The following MEGF9 variants were observed in gnomAD, a reference collection of about 807,000 sequenced individuals.
MEGF9 encodes multiple epidermal growth factor-like domains protein 9.
Under a neutral mutation model 46.8 loss-of-function variants are expected in MEGF9, and 6 were observed. The ratio of observed to expected loss-of-function variants is 0.13; its 90% CI spans 0.07 to 0.25. MEGF9 has a LOEUF of 0.25. MEGF9 is among the 10% of genes least tolerant of loss of function. The probability of loss-of-function intolerance (pLI) is 1.00; values close to 1 mark genes in which losing one functional copy is unlikely to be tolerated. For synonymous variants in MEGF9, 302 were observed against 330.7 expected (o/e 0.91, Z 0.94); for missense variants, 683 against 792.4 (o/e 0.86, Z 1.66).
At chr9:120,612,162 C>T (rs981025745) in intron 4 of MEGF9, among the ~76,000 whole-genome samples, 2 of 152,112 alleles carry the variant, frequency 1.3e-5, no homozygotes, top group African/African-American at 4.8e-5. Context: ...AAAAGTTGCT[C>T]AGTCTTGAAG....
intron 3 of MEGF9, among the ~76,000 whole-genome samples, chr9:120,613,978 A>G (rs1223167903): frequency 1.3e-5 from 2 of 152,108 alleles, no homozygotes; most frequent in African/African-American, 4.8e-5. Context: ...AAAAAACAAA[A>G]GAATGAAAAT....
At chr9:120,642,183 A>G (rs1186006670) in intron 2 of MEGF9, among the ~76,000 whole-genome samples, 1 of 152,144 alleles carries the variant, frequency 6.6e-6, no homozygotes, top group Admixed American at 6.5e-5. Flanking sequence ...TTCTGTATGT[A>G]TACTCTTAAC....
At chr9:120,650,225 C>T (rs975358840) in intron 2 of MEGF9, among the ~76,000 whole-genome samples, 11 of 152,092 alleles carry the variant, frequency 7.2e-5, no homozygotes, top group African/African-American at 2.7e-4. Context: ...AAAAAAGCCT[C>T]AAATCAATGT....
chr9:120,682,146 T>C (rs1265958810), intron 1 of MEGF9, among the ~76,000 whole-genome samples: 2 of 152,150 alleles, frequency 1.3e-5, no homozygotes, highest in Non-Finnish European at 2.9e-5. Flanking sequence ...TTACTACAGA[T>C]TGCAAAAATT....
At chr9:120,712,999 G>C (rs2043960297) in intron 1 of MEGF9, among the ~76,000 whole-genome samples, 1 of 152,134 alleles carries the variant, frequency 6.6e-6, no homozygotes, top group Non-Finnish European at 1.5e-5. Context: ...TGAACATCCT[G>C]GCTTAAGGAG....
chr9:120,686,360 G>A (rs1310221713), intron 1 of MEGF9, among the ~76,000 whole-genome samples: 1 of 152,196 alleles, frequency 6.6e-6, no homozygotes. Context: ...TTACAATCGT[G>A]AGCCACCAGG....
chr9:120,611,862 AGAAAG>A (rs2043447917), intron 4 of MEGF9, among the ~76,000 whole-genome samples: 18 of 132,966 alleles, frequency 1.4e-4, no homozygotes, highest in African/African-American at 5.0e-4. Context: ...GAAGGAAGGA[AGAAAG>A]AGAGAGAGAG....
At chr9:120,637,445 AAG>A (rs1181355875) in intron 2 of MEGF9, among the ~76,000 whole-genome samples, 1 of 151,976 alleles carries the variant, frequency 6.6e-6, no homozygotes, top group African/African-American at 2.4e-5. Flanking sequence ...TTTAAAAAAA[AAG>A]AGAGAAGAAA....
chr9:120,685,082 C>T (rs1211278097), intron 1 of MEGF9, among the ~76,000 whole-genome samples: 1 of 152,214 alleles, frequency 6.6e-6, no homozygotes, highest in East Asian at 1.9e-4. Context: ...GATCCACCCG[C>T]CTGGGCCTCC....
At chr9:120,610,208 G>A (rs1300498817) in intron 4 of MEGF9, among the ~76,000 whole-genome samples, 1 of 152,154 alleles carries the variant, frequency 6.6e-6, no homozygotes. Flanking sequence ...AATTCTTAGT[G>A]AAAAGGCATA....
At chr9:120,652,948 T>A (rs1231867424) in intron 2 of MEGF9, among the ~76,000 whole-genome samples, 1 of 152,056 alleles carries the variant, frequency 6.6e-6, no homozygotes, top group East Asian at 1.9e-4. Context: ...TTCAGAGAGG[T>A]CAAACAGCTT....
chr9:120,664,054 T>C (rs1236297345), intron 1 of MEGF9, among the ~76,000 whole-genome samples: 1 of 152,180 alleles, frequency 6.6e-6, no homozygotes, highest in Non-Finnish European at 1.5e-5. Context: ...GATGAAAATT[T>C]TTTAGCCCTA....
rs1307186597 is a variant in MEGF9 at position 120,659,558 on chromosome 9, A to G, written c.619T>C (p.Ser207Pro). ...SPPPEYVCNC[S>P]VVGSLNVNRC... is the part of the protein sequence containing the mutation. Reference sequence around the variant, plus strand: ...TTCACATTCAGGCTTCCAACCACAGAGCAGTTACATACATACTCTGCAAAG... The same window carrying G: ...TTCACATTCAGGCTTCCAACCACAGGGCAGTTACATACATACTCTGCAAAG... Residue 207 changes from serine to proline, a missense_variant, in exon 2 of 6, where the codon TCT becomes CCT. This residue lies in a region of MEGF9 where 370 missense variants were observed against 371.3 expected (regional missense o/e 1.00). Transcript: ENST00000373930. 4 of 1,612,230 alleles carry G rather than the reference A, an allele frequency of 2.5e-6. No homozygotes were observed. In the South Asian group the frequency reaches 4.4e-5, roughly 18 times the overall value.
At chr9:120,689,433 A>T (rs1257307034) in intron 1 of MEGF9, among the ~76,000 whole-genome samples, 2 of 151,898 alleles carry the variant, frequency 1.3e-5, no homozygotes, top group Non-Finnish European at 2.9e-5. Flanking sequence ...AGAATTTTAT[A>T]CAAGAGAGGA....
In MEGF9 at chr9:120,622,767, A is replaced by T. The variant is rs1363041834; in HGVS notation, c.804-12T>A. 1.2e-6 allele frequency: 2 copies of T among 1,612,102 alleles called. No individual in the cohort carries two copies. The highest frequency in any genetic ancestry group is 2.2e-5 in the South Asian group (2 of 90,644). ...GGCATTTCCCAGAACTGCAAATAAA[A>T]GCAAAGACAATGAATAAAAGTAAAT... On this transcript the variant is annotated splice_polypyrimidine_tract_variant and intron_variant, in intron 2 of 5. Coordinates refer to ENST00000373930, the MANE Select transcript of MEGF9 (RefSeq NM_001080497.3).
intron 2 of MEGF9, among the ~76,000 whole-genome samples, chr9:120,656,005 AAC>A (rs1362365327): frequency 6.6e-6 from 1 of 152,222 alleles, no homozygotes; most frequent in African/African-American, 2.4e-5. Context: ...GATCTGCCAA[AAC>A]ACACTGAATT....
chr9:120,687,759 G>A (rs112105327), intron 1 of MEGF9, among the ~76,000 whole-genome samples: 3,331 of 146,952 alleles, frequency 0.023, 146 homozygotes, highest in African/African-American at 0.081. Context: ...GTTACATCTG[G>A]GTAGGGAAGA....
chr9:120,637,487 TA>T (rs1160112596), intron 2 of MEGF9, among the ~76,000 whole-genome samples: 6,934 of 142,314 alleles, frequency 0.049, 346 homozygotes, highest in African/African-American at 0.14. Flanking sequence ...TATTCTGCTT[TA>T]AAAAAAAAAA....
chr9:120,652,456 G>A (rs1461543651), intron 2 of MEGF9, among the ~76,000 whole-genome samples: 1 of 137,394 alleles, frequency 7.3e-6, no homozygotes, highest in African/African-American at 2.7e-5. Flanking sequence ...TCCAGGCTGG[G>A]TGACAGAGCG....
Sources: gnomAD v4.1 joint callset for allele counts (sites outside exome capture counted in the v4.1 genomes callset) on GRCh38, gnomAD v4.1.1 for gene constraint, gnomAD v4.1.1 regional missense constraint, MANE v1.5 for transcripts, NCBI Gene and HGNC (gene_info 2026-07-23, HGNC 2026-07-21) for gene names.